SLC1A2: variants seen among roughly 807,000 people sequenced by gnomAD.
SLC1A2 encodes the protein excitatory amino acid transporter 2.
Under a neutral mutation model 48.8 loss-of-function variants are expected in SLC1A2, and 15 were observed. That is an observed-to-expected ratio of 0.31 (90% CI 0.21 to 0.47). The LOEUF is 0.47. SLC1A2 is among the 20% of genes least tolerant of loss of function. SLC1A2 has a pLI of 0.99. For missense variants in SLC1A2, 502 were observed against 730.5 expected (o/e 0.69, Z 3.61); for synonymous variants, 279 against 272.6 (o/e 1.02, Z -0.23).
chr11:35,351,152 C>T (rs1258021523), intron 1 of SLC1A2, among the ~76,000 whole-genome samples: 3 of 152,188 alleles, frequency 2.0e-5, no homozygotes, highest in African/African-American at 7.2e-5. Context: ...TACCATTAGT[C>T]CCACTTTATA....
intron 1 of SLC1A2, among the ~76,000 whole-genome samples, chr11:35,332,076 C>A (rs1565250920): frequency 6.6e-6 from 1 of 152,080 alleles, no homozygotes; most frequent in Non-Finnish European, 1.5e-5. Context: ...TGGACAGAAG[C>A]CTAAACAAAG....
At chr11:35,388,882 G>A (rs1283782450) in intron 1 of SLC1A2, among the ~76,000 whole-genome samples, 2 of 152,176 alleles carry the variant, frequency 1.3e-5, no homozygotes, top group Non-Finnish European at 2.9e-5. Context: ...TCACTTATAA[G>A]TGGTAGCTAA....
rs916683785 is a variant in SLC1A2 at position 35,315,313 on chromosome 11, C to T, written c.158-138G>A. 6.8e-6 allele frequency: 4 copies of T among 592,356 alleles called. No individual in the cohort carries two copies. The Admixed American group carries it at 1.2e-4, about 17-fold the overall frequency. 36.7% of individuals were successfully genotyped at this position (592,356 alleles called of 1,614,324 possible). ...GATGAACAATGTGTAACAAAAACAA[C>T]ATTAGATAAGTGAAGCTGATTTTGA... is the stretch of plus-strand genomic sequence containing the variant. On this transcript the variant is annotated intron_variant, in intron 2 of 10. Transcript: ENST00000278379.
chr11:35,349,903 G>A (rs1022275183), intron 1 of SLC1A2, among the ~76,000 whole-genome samples: 2 of 152,074 alleles, frequency 1.3e-5, no homozygotes, highest in African/African-American at 2.4e-5. Flanking sequence ...GTCCTATATG[G>A]TTAGAGACCT....
chr11:35,268,497 C>T (rs1332358540), intron 9 of SLC1A2, among the ~76,000 whole-genome samples: 2 of 151,864 alleles, frequency 1.3e-5, no homozygotes, highest in Non-Finnish European at 2.9e-5. Flanking sequence ...GTTAACAATA[C>T]AGTACTAAAA....
rs372493154 is a variant in SLC1A2, at chr11:35,278,272, TG to T, written c.1421+2594del. Among the ~76,000 whole-genome samples, 459 of 93,312 alleles carry T rather than the reference TG, an allele frequency of 4.9e-3. 1 individual carries two copies. Among genetic ancestry groups the T allele is most frequent in the Middle Eastern group, 0.013 (2 of 160 alleles). 61.2% of individuals were successfully genotyped at this position (93,312 alleles called of 152,430 possible). ...GCCACTTCTTACTTCTGTTTTTTTT[TG>T]TTTTTTTTTTTTTTTTTTTTAGATG... On this transcript the variant is annotated intron_variant, in intron 9 of 10. Transcript: ENST00000278379.
rs140524548 is a variant in SLC1A2 at position 35,407,227 on chromosome 11, A to G, written c.17+11723T>C. Reference sequence around the variant, plus strand: ...CAGGGTTGATCATGTGGACTTGACCATCTAGGCAGGCAGCCATTTCCTCCC... The same window carrying G: ...CAGGGTTGATCATGTGGACTTGACCGTCTAGGCAGGCAGCCATTTCCTCCC... On this transcript the variant is annotated intron_variant, in intron 1 of 10. Coordinates refer to ENST00000278379, the MANE Select transcript of SLC1A2 (RefSeq NM_004171.4). 1.8e-4 allele frequency among the ~76,000 whole-genome samples: 28 copies of G among 152,284 alleles called. No individual in the cohort carries two copies. In the South Asian group the frequency reaches 3.3e-3, roughly 18 times the overall value.
intron 1 of SLC1A2, among the ~76,000 whole-genome samples, chr11:35,361,333 C>G (rs1037005296): frequency 2.0e-5 from 3 of 152,270 alleles, no homozygotes; most frequent in South Asian, 2.1e-4. Context: ...CAAAGTTACC[C>G]AGAACATGTT....
At chr11:35,284,423 C>T (rs368863446) in intron 8 of SLC1A2, among the ~76,000 whole-genome samples, 112 of 152,180 alleles carry the variant, frequency 7.4e-4, no homozygotes, top group African/African-American at 2.7e-3. Flanking sequence ...ATTCTCTGAG[C>T]CTCTGTTTCC....
chr11:35,417,622 A>C (rs1855648645), intron 1 of SLC1A2, among the ~76,000 whole-genome samples: 2 of 152,228 alleles, frequency 1.3e-5, no homozygotes, highest in Non-Finnish European at 1.5e-5. Flanking sequence ...TGTCTTCCTG[A>C]AACATCTTTT....
chr11:35,378,221 A>C (rs1854304244), intron 1 of SLC1A2, among the ~76,000 whole-genome samples: 1 of 152,238 alleles, frequency 6.6e-6, no homozygotes, highest in African/African-American at 2.4e-5. Context: ...GAACCCCCAG[A>C]TCCTAAAGCC....
At chr11:35,362,768 T>A (rs1853724516) in intron 1 of SLC1A2, among the ~76,000 whole-genome samples, 1 of 152,224 alleles carries the variant, frequency 6.6e-6, no homozygotes, top group South Asian at 2.1e-4. Context: ...TGGGAATCCA[T>A]GGCAAATCCA....
intron 7 of SLC1A2, among the ~76,000 whole-genome samples, chr11:35,287,872 T>C (rs1382257120): frequency 2.0e-5 from 3 of 152,214 alleles, no homozygotes; most frequent in African/African-American, 7.2e-5. Context: ...TGCAGAACAC[T>C]CAAACTGCCA....
At chr11:35,346,321 T>C (rs1853032257) in intron 1 of SLC1A2, among the ~76,000 whole-genome samples, 1 of 152,194 alleles carries the variant, frequency 6.6e-6, no homozygotes, top group Non-Finnish European at 1.5e-5. Context: ...TCTTCCTCCC[T>C]TAGTCTCCAT....
intron 4 of SLC1A2, among the ~76,000 whole-genome samples, chr11:35,311,934 G>A (rs920085867): frequency 1.5e-4 from 2 of 13,652 alleles, no homozygotes; most frequent in African/African-American, 4.5e-4. Context: ...CGGGGGGGGG[G>A]GGTGGGGGAG....
At chr11:35,337,963 A>G (rs7927023) in intron 1 of SLC1A2, among the ~76,000 whole-genome samples, 3,930 of 152,314 alleles carry the variant, frequency 0.026, 154 homozygotes, top group African/African-American at 0.088. Flanking sequence ...TTAGTATAGC[A>G]TAAATAATAA....
chr11:35,259,113 A>G lies in SLC1A2; in HGVS notation c.*1781T>C, dbSNP rs1388275585. On this transcript the variant is annotated 3_prime_UTR_variant, in exon 11 of 11. Transcript: ENST00000278379. ...GTTCAGTAGTGATCCTTATCCAAAAATCACTAGGGTTTAGGAGACAAAAAC... is the reference window on the plus strand; with the variant it reads ...GTTCAGTAGTGATCCTTATCCAAAAGTCACTAGGGTTTAGGAGACAAAAAC... 6.6e-6 allele frequency: 1 copy of G among 152,626 alleles called. No homozygotes were observed. The highest frequency in any genetic ancestry group is 1.5e-5 in the Non-Finnish European group (1 of 68,026). 9.5% of individuals were successfully genotyped at this position (152,626 alleles called of 1,614,324 possible). A position where few individuals can be genotyped will look rare whatever the true frequency, so the allele number is the denominator to read the frequency against.
intron 1 of SLC1A2, among the ~76,000 whole-genome samples, chr11:35,351,026 T>C (rs1853230837): frequency 6.6e-6 from 1 of 152,248 alleles, no homozygotes; most frequent in South Asian, 2.1e-4. Context: ...TAGAATCAGC[T>C]GACCCAGTCC....
At chr11:35,280,581 T>C in intron 9 of SLC1A2, 1 of 376,412 alleles carries the variant, frequency 2.7e-6, no homozygotes, top group Non-Finnish European at 4.7e-6. Flanking sequence ...TATAATGTTC[T>C]GAGATTCTTT....
Sources: allele counts gnomAD v4.1 joint callset (sites outside exome capture counted in the v4.1 genomes callset), GRCh38; gene constraint gnomAD v4.1.1; transcripts MANE v1.5; gene names NCBI Gene and HGNC (gene_info 2026-07-23, HGNC 2026-07-21).